The following RNH1 variants were observed in gnomAD, a reference collection of about 807,000 sequenced individuals.
The protein encoded by RNH1 is ribonuclease/angiogenin inhibitor 1, also known as ribonuclease inhibitor.
A neutral mutation model predicts 46.1 loss-of-function variants in RNH1; 38 were observed. The ratio of observed to expected loss-of-function variants is 0.82; its 90% CI spans 0.64 to 1.08. The LOEUF is 1.08. RNH1 is among the 50% of genes least tolerant of loss of function. The probability of loss-of-function intolerance (pLI) is 0.00; values close to 1 mark genes in which losing one functional copy is unlikely to be tolerated. For missense variants in RNH1, 577 were observed against 590.7 expected, an observed-to-expected ratio of 0.98 and a Z score of 0.24; for synonymous variants, 319 against 279.1, an observed-to-expected ratio of 1.14 and a Z score of -1.43.
chr11:500,288 G>A, intron 4 of RNH1, 196 bp downstream of exon 4: 2 of 727,532 alleles, frequency 2.7e-6, no homozygotes. Context: ...CGGGGGCTGG[G>A]ATAAGGCAGG....
At chr11:497,806 C>T (rs1412423859) in intron 9 of RNH1, among the ~76,000 whole-genome samples, 165 bp downstream of exon 9, 1 of 151,788 alleles carries the variant, frequency 6.6e-6, no homozygotes, top group Non-Finnish European at 1.5e-5. Flanking sequence ...CACCCATGCT[C>T]ACACTCATAT....
At position 502,260 on chromosome 11, in the gene RNH1, G is replaced by A. The variant is rs1849817613; in HGVS notation, c.-87-11C>T. 1.1e-6 allele frequency: 1 copy of A among 932,250 alleles called. No homozygotes were observed. Among genetic ancestry groups the A allele is most frequent in the Non-Finnish European group, 1.7e-6 (1 of 593,810 alleles). The allele number at this position is 932,250 out of a possible 1,614,324, so 57.7% of individuals were successfully genotyped here. On this transcript the variant is annotated splice_polypyrimidine_tract_variant and intron_variant, in intron 2 of 10. Coordinates refer to ENST00000354420, the MANE Select transcript of RNH1 (RefSeq NM_203387.3). This position sits in a 1 kb window ranked among gnomAD's most constrained non-coding sequence, Gnocchi z 5.8. ...CACAGGCCGGAGATTCTGCAAACAG[G>A]ACCCACAGGGCTGATGTTTCAGGAG... is the stretch of plus-strand genomic sequence containing the variant.
chr11:494,568 T>G lies in RNH1; in HGVS notation c.*123A>C, dbSNP rs1299975760. 1 of 828,230 alleles carries G rather than the reference T, an allele frequency of 1.2e-6. No homozygotes were observed. Among genetic ancestry groups the G allele is most frequent in the South Asian group, 1.4e-5 (1 of 69,104 alleles). The allele number at this position is 828,230 out of a possible 1,614,324, so 51.3% of individuals were successfully genotyped here. On this transcript the variant is annotated 3_prime_UTR_variant, in exon 11 of 11. Transcript: ENST00000354420. ...AGTGTCCAAAATATACTGGCAGAAA[T>G]AAGCGGATCTGAGCGTTTCTCTTCA...
Position 494,679 on chromosome 11 carries a change from G to A in RNH1, c.*12C>T, listed in dbSNP as rs758947172. The A allele has an allele frequency of 3.4e-5, 55 of 1,612,754 alleles. No homozygotes were observed. The highest frequency in any genetic ancestry group is 4.5e-5 in the Non-Finnish European group (53 of 1,179,362). The stretch of plus-strand genomic sequence containing the variant: ...GGCCGGTCGTCCAGGGAGAGCAGCA[G>A]CAGGAAGAGCCTCAGGAGATGACCC... On this transcript the variant is annotated 3_prime_UTR_variant, in exon 11 of 11. Coordinates refer to ENST00000354420, the MANE Select transcript of RNH1 (RefSeq NM_203387.3).
Position 499,820 on chromosome 11 carries a change from C to G in RNH1, c.443+9G>C, listed in dbSNP as rs774265363. Reference sequence around the variant, plus strand: ...CCAGCATGGGCCCTGGGGCAGGACACAAACTCACTGCAGCTTTTCCAGGCG... The same window carrying G: ...CCAGCATGGGCCCTGGGGCAGGACAGAAACTCACTGCAGCTTTTCCAGGCG... On this transcript the variant is annotated intron_variant, in intron 5 of 10. Coordinates refer to ENST00000354420, the MANE Select transcript of RNH1 (RefSeq NM_203387.3). 6.2e-7 allele frequency: 1 copy of G among 1,603,130 alleles called. No individual in the cohort carries two copies. The highest frequency in any genetic ancestry group is 2.2e-5 in the East Asian group (1 of 44,812).
rs544240500 is a variant in RNH1, at chr11:498,682, T to C, written c.786-55A>G. 9.7e-5 allele frequency: 155 copies of C among 1,604,106 alleles called. No individual in the cohort carries two copies. In the African/African-American group the frequency reaches 1.8e-3, roughly 19 times the overall value. Reference sequence around the variant, plus strand: ...CTCAGCACCGTCTCATGGCCTGAGATGAGCCCAGGGGCGGGGGAGAGCTCT... The same window carrying C: ...CTCAGCACCGTCTCATGGCCTGAGACGAGCCCAGGGGCGGGGGAGAGCTCT... On this transcript the variant is annotated intron_variant, in intron 7 of 10. Coordinates refer to ENST00000354420, the MANE Select transcript of RNH1 (RefSeq NM_203387.3).
intron 2 of RNH1, among the ~76,000 whole-genome samples, chr11:503,809 G>A (rs1192455246): frequency 6.6e-6 from 1 of 152,148 alleles, no homozygotes. Context: ...TAGCGCTGCG[G>A]GAGTAGCCCC....
rs1209889244 is a variant in RNH1, at chr11:501,680, C to T, written c.101+382G>A. The T allele has an allele frequency of 1.8e-5, 4 of 223,102 alleles. No individual in the cohort carries two copies. The highest frequency in any genetic ancestry group is 3.6e-5 in the Non-Finnish European group (4 of 111,854). 13.8% of individuals were successfully genotyped at this position (223,102 alleles called of 1,614,324 possible). A position where few individuals can be genotyped will look rare whatever the true frequency, so the allele number is the denominator to read the frequency against. On this transcript the variant is annotated intron_variant, in intron 3 of 10. Transcript: ENST00000354420. The surrounding 1 kb of genome is among the most constrained non-coding windows in gnomAD (Gnocchi z 4.1). ...CTGGGTTTGTGAGGACCTCGAGGGC[C>T]GAGGACTCCCAGCCCCCAGCTTGGC...
intron 9 of RNH1, among the ~76,000 whole-genome samples, chr11:496,435 C>T (rs568259433): frequency 1.4e-4 from 22 of 152,096 alleles, no homozygotes; most frequent in African/African-American, 5.1e-4. Flanking sequence ...TTTAGGAGGC[C>T]GAGGCAGGCG....
In RNH1 at chr11:497,826, C is replaced by T. The variant is rs370174294; in HGVS notation, c.1127+145G>A. ...ATGCTCACACTCATATGCTCACACA[C>T]GTGCTCACACTCGCCTCACCCATGT... On this transcript the variant is annotated intron_variant, in intron 9 of 10. Transcript: ENST00000354420. 12 of 946,472 alleles carry T rather than the reference C, an allele frequency of 1.3e-5. No individual in the cohort carries two copies. The Middle Eastern group carries it at 1.0e-3, about 80-fold the overall frequency. The allele number at this position is 946,472 out of a possible 1,614,324, so 58.6% of individuals were successfully genotyped here.
chr11:494,574 G>T lies in RNH1; in HGVS notation c.*117C>A. ...CAAAATATACTGGCAGAAATAAGCG[G>T]ATCTGAGCGTTTCTCTTCAAACCTA... On this transcript the variant is annotated 3_prime_UTR_variant, in exon 11 of 11. Coordinates refer to ENST00000354420, the MANE Select transcript of RNH1 (RefSeq NM_203387.3). 1.2e-6 allele frequency: 1 copy of T among 865,594 alleles called. No homozygotes were observed. The highest frequency in any genetic ancestry group is 1.9e-6 in the Non-Finnish European group (1 of 528,742). 53.6% of individuals were successfully genotyped at this position (865,594 alleles called of 1,614,324 possible).
chr11:500,900 AG>A, intron 3 of RNH1: 1 of 598,502 alleles, frequency 1.7e-6, no homozygotes, highest in Non-Finnish European at 3.1e-6. Flanking sequence ...AGGCCGAGGC[AG>A]GCAGATCACC....
In RNH1 at chr11:501,938, T is replaced by C. The variant is rs1243414419; in HGVS notation, c.101+124A>G. On this transcript the variant is annotated intron_variant, in intron 3 of 10. Transcript: ENST00000354420. The surrounding 1 kb of genome is among the most constrained non-coding windows in gnomAD (Gnocchi z 4.1). Reference sequence around the variant, plus strand: ...AATCACATCTCATGCACGTGGTAGCTGCACAGAATTCATACTTCATGTCCA... The same window carrying C: ...AATCACATCTCATGCACGTGGTAGCCGCACAGAATTCATACTTCATGTCCA... 1.5e-6 allele frequency: 1 copy of C among 645,424 alleles called. No individual in the cohort carries two copies. Among genetic ancestry groups the C allele is most frequent in the Non-Finnish European group, 2.8e-6 (1 of 360,510 alleles). The allele number at this position is 645,424 out of a possible 1,614,324, so 40.0% of individuals were successfully genotyped here. A position where few individuals can be genotyped will look rare whatever the true frequency, so the allele number is the denominator to read the frequency against.
In RNH1 at chr11:499,499, G is replaced by A. The variant is rs553603061; in HGVS notation, c.444-314C>T. The stretch of plus-strand genomic sequence containing the variant: ...AGGCTGTGGTCAACTCACAATGGCC[G>A]GGTCCCCCACACACACTGAGGCGGT... On this transcript the variant is annotated intron_variant, in intron 5 of 10. Transcript: ENST00000354420. The A allele has an allele frequency of 2.5e-4, 176 of 694,548 alleles. 1 individual carries two copies. The East Asian group carries it at 3.2e-3, about 13-fold the overall frequency. 43.0% of individuals were successfully genotyped at this position (694,548 alleles called of 1,614,324 possible).
chr11:504,417 GGACGCTCACCC>G (rs900406933), intron 2 of RNH1: 3 of 153,596 alleles, frequency 2.0e-5, no homozygotes, highest in African/African-American at 7.2e-5. Flanking sequence ...GCTCCGCCCG[GGACGCTCACCC>G]GACGCCGCCG....
At chr11:500,449 C>A in intron 4 of RNH1, 35 bp downstream of exon 4, 1 of 1,585,962 alleles carries the variant, frequency 6.3e-7, no homozygotes, top group Admixed American at 1.7e-5. Flanking sequence ...AAGCAGACTG[C>A]ACCAGGCCAG....
chr11:496,832 G>C (rs1467596740), intron 9 of RNH1, among the ~76,000 whole-genome samples: 1 of 152,246 alleles, frequency 6.6e-6, no homozygotes, highest in African/African-American at 2.4e-5. Context: ...AACAAATCTG[G>C]AAAAACATCC....
At chr11:500,971 A>G (rs1849697120) in intron 3 of RNH1, 1 of 420,598 alleles carries the variant, frequency 2.4e-6, no homozygotes, top group African/African-American at 2.0e-5. Context: ...TTTACTAAAA[A>G]TACAAAAGTA....
intron 2 of RNH1, chr11:503,408 T>C (rs537457210): frequency 4.6e-5 from 7 of 152,258 alleles, no homozygotes; most frequent in African/African-American, 1.4e-4. Flanking sequence ...AAGAGGCCCC[T>C]GGTACCAACT....
Sources: allele counts gnomAD v4.1 joint callset (sites outside exome capture counted in the v4.1 genomes callset), GRCh38; gene constraint gnomAD v4.1.1; non-coding constraint Gnocchi (gnomAD v3.1); transcripts MANE v1.5; gene names NCBI Gene and HGNC (gene_info 2026-07-23, HGNC 2026-07-21).